The following CECR2 variants were observed in gnomAD, a reference collection of about 807,000 sequenced individuals.
CECR2 encodes CECR2 histone acetyl-lysine reader.
A neutral mutation model predicts 154.5 loss-of-function variants in CECR2; 30 were observed. The observed-to-expected ratio is 0.19, with a 90% confidence interval of 0.15 to 0.26. The LOEUF (loss-of-function observed/expected upper bound fraction) is 0.26. Ranked by LOEUF, CECR2 falls within the 10% of genes least tolerant of loss-of-function variation. The pLI is 1.00. For synonymous variants in CECR2, 725 were observed against 683.7 expected, an observed-to-expected ratio of 1.06 and a Z score of -0.94; for missense variants, 1,743 against 1,829.3, an observed-to-expected ratio of 0.95 and a Z score of 0.86.
chr22:17,383,836 CT>C (rs1180082779), intron 1 of CECR2, among the ~76,000 whole-genome samples: 2 of 151,452 alleles, frequency 1.3e-5, no homozygotes, highest in South Asian at 4.2e-4. Context: ...GGCTAATTTT[CT>C]TTTTTTTGGA....
intron 12 of CECR2, 70 bp from the exon 13 acceptor site, chr22:17,538,923 G>A: frequency 5.4e-6 from 8 of 1,486,490 alleles, no homozygotes; most frequent in Non-Finnish European, 7.4e-6. Context: ...TTATCTCTCT[G>A]TCTCTCTCTC....
In CECR2 at chr22:17,480,459, C is replaced by CAG. The variant is rs1555915343; in HGVS notation, c.221+2781_221+2782dup. Among the ~76,000 whole-genome samples, 145 of 143,818 alleles carry CAG rather than the reference C, an allele frequency of 1.0e-3. 1 individual carries two copies. Among genetic ancestry groups the CAG allele is most frequent in the South Asian group, 5.5e-3 (25 of 4,512 alleles). The allele number at this position is 143,818 out of a possible 152,430, so 94.4% of individuals were successfully genotyped here. On this transcript the variant is annotated intron_variant, in intron 2 of 18. Transcript: ENST00000262608. ...ACACACACACACACACACACACACA[C>CAG]AGAGAAAAGTGCTCATTTCCTAATT...
intron 4 of CECR2, 143 bp downstream of exon 4, chr22:17,499,692 C>G: frequency 2.4e-6 from 2 of 820,704 alleles, no homozygotes; most frequent in Admixed American, 6.8e-5. Context: ...TAAGGAGATA[C>G]TTCATGCAAA....
At chr22:17,441,636 T>C (rs1452302938) in intron 1 of CECR2, among the ~76,000 whole-genome samples, 1 of 151,950 alleles carries the variant, frequency 6.6e-6, no homozygotes, top group Non-Finnish European at 1.5e-5. Context: ...AATGAATCCT[T>C]CTTTTTTGAG....
chr22:17,526,578 A>G (rs561822529), intron 9 of CECR2, among the ~76,000 whole-genome samples: 5 of 152,272 alleles, frequency 3.3e-5, no homozygotes, highest in African/African-American at 1.2e-4. Context: ...TGGGAGGCCA[A>G]GGCGGGTGAA....
chr22:17,522,477 C>T (rs2056175410), intron 8 of CECR2, among the ~76,000 whole-genome samples: 1 of 152,216 alleles, frequency 6.6e-6, no homozygotes, highest in Non-Finnish European at 1.5e-5. Context: ...GTGTCCATAG[C>T]ATCCCCTTTT....
intron 9 of CECR2, 113 bp from the exon 10 acceptor site, chr22:17,536,990 T>C: frequency 6.1e-6 from 8 of 1,302,364 alleles, no homozygotes; most frequent in Non-Finnish European, 8.4e-6. Flanking sequence ...CAGAAGTTGC[T>C]TCATAATCCT....
At chr22:17,389,727 G>A (rs2063306263) in intron 1 of CECR2, among the ~76,000 whole-genome samples, 1 of 151,964 alleles carries the variant, frequency 6.6e-6, no homozygotes, top group South Asian at 2.1e-4. Context: ...TCCTGGGTTA[G>A]AGCAGTTCTC....
intron 8 of CECR2, 70 bp downstream of exon 8, chr22:17,511,966 C>G: frequency 8.7e-7 from 1 of 1,151,476 alleles, no homozygotes; most frequent in Non-Finnish European, 1.2e-6. Flanking sequence ...CATGTACTTC[C>G]ATTCCTGCCT....
chr22:17,548,436 G>T lies in CECR2; in HGVS notation c.3149G>T (p.Gly1050Val), dbSNP rs1475309438. The change falls in exon 17 of 19, where the codon GGC (glycine) becomes GTC (valine). Residue 1050 changes from glycine to valine, a missense_variant. Coordinates refer to ENST00000262608, the MANE Select transcript of CECR2 (RefSeq NM_001290047.2). ...VRDLSTVADRGALSENGVIGE... is the reference protein window; with the variant it reads ...VRDLSTVADRVALSENGVIGE... ...GACCTCTCCACGGTGGCAGACAGGG[G>T]CGCTCTATCCGAGAACGGAGTCATT... 6 of 1,614,008 alleles carry T rather than the reference G, an allele frequency of 3.7e-6. No individual in the cohort carries two copies. The highest frequency in any genetic ancestry group is 3.3e-5 in the South Asian group (3 of 91,090).
intron 1 of CECR2, among the ~76,000 whole-genome samples, chr22:17,395,557 C>G (rs1313357392): frequency 2.0e-5 from 3 of 152,096 alleles, no homozygotes; most frequent in Admixed American, 1.3e-4. Context: ...CTTGGCCAGG[C>G]TGGTTTCTAA....
At position 17,542,885 on chromosome 22, in the gene CECR2, C is replaced by T. The variant is rs1329493026; in HGVS notation, c.2742C>T (p.Gly914=). The T allele has an allele frequency of 5.6e-6, 9 of 1,613,836 alleles. No individual in the cohort carries two copies. In the African/African-American group the frequency reaches 8.0e-5, roughly 14 times the overall value. Residue 914 remains glycine (G), a synonymous_variant, in exon 16 of 19, where the codon GGC becomes GGT. Coordinates refer to ENST00000262608, the MANE Select transcript of CECR2 (RefSeq NM_001290047.2). ...PHQPAHPRLP[G]PFPQVAHPMS... is the part of the protein sequence containing the mutation. ...AGCCTGCACACCCCCGTTTACCTGG[C>T]CCTTTTCCGCAGGTAGCTCACCCAA...
chr22:17,404,364 C>CTTTTTT (rs1209598318), intron 1 of CECR2, among the ~76,000 whole-genome samples: 21 of 59,606 alleles, frequency 3.5e-4, no homozygotes, highest in African/African-American at 5.3e-4. Context: ...GGACCCTGTT[C>CTTTTTT]TTTCTTTTTT....
At chr22:17,400,964 A>C (rs2053882908) in intron 1 of CECR2, among the ~76,000 whole-genome samples, 1 of 152,132 alleles carries the variant, frequency 6.6e-6, no homozygotes, top group South Asian at 2.1e-4. Flanking sequence ...ATGAGATCTC[A>C]CTATGTTGCT....
At chr22:17,413,243 G>A (rs2054093569) in intron 1 of CECR2, among the ~76,000 whole-genome samples, 1 of 152,192 alleles carries the variant, frequency 6.6e-6, no homozygotes, top group East Asian at 1.9e-4. Flanking sequence ...CAGGTTGATG[G>A]TTCTAACCTT....
chr22:17,551,950 C>T (rs1569161490), intron 17 of CECR2, 81 bp from the exon 18 acceptor site: 2 of 1,316,996 alleles, frequency 1.5e-6, no homozygotes, highest in Non-Finnish European at 2.2e-6. Flanking sequence ...AAGGCAGTAC[C>T]CTCGTGACTA....
chr22:17,445,636 G>GTGCAATCTTGGCTGAC (rs1354376421), intron 1 of CECR2, among the ~76,000 whole-genome samples: 2 of 151,114 alleles, frequency 1.3e-5, no homozygotes, highest in African/African-American at 2.4e-5. Flanking sequence ...GAGTGCAGTG[G>GTGCAATCTTGGCTGAC]TGCAATCTTG....
In CECR2 at chr22:17,552,125, A is replaced by G. The variant is rs774038355; in HGVS notation, c.4372A>G (p.Thr1458Ala). 5 of 1,613,924 alleles carry G rather than the reference A, an allele frequency of 3.1e-6. No individual in the cohort carries two copies. The highest frequency in any genetic ancestry group is 4.2e-6 in the Non-Finnish European group (5 of 1,179,838). The change falls in exon 18 of 19, where the codon ACA becomes GCA. Residue 1458 changes from threonine (T) to alanine (A), a missense_variant. Thr to Ala is a moderately conservative substitution (Grantham distance 58, BLOSUM62 0). This residue lies in a region of CECR2 where 1,250 missense variants were observed against 1,192.1 expected (regional missense o/e 1.05). Coordinates refer to ENST00000262608, the MANE Select transcript of CECR2 (RefSeq NM_001290047.2). ...GGAGGTGCCGCCTCATAAGCCTCCA[A>G]CACTTCCCCTGGATCAGGTAAGGAT... is the stretch of plus-strand genomic sequence containing the variant. Reference protein sequence around the residue: ...QEEVPPHKPPTLPLDQS With the variant: ...QEEVPPHKPPALPLDQS
chr22:17,542,924 G>C lies in CECR2; in HGVS notation c.2781G>C (p.Val927=). 1.2e-6 allele frequency: 2 copies of C among 1,613,940 alleles called. No individual in the cohort carries two copies. Among genetic ancestry groups the C allele is most frequent in the Admixed American group, 3.3e-5 (2 of 60,002 alleles). ...PQVAHPMSVT[V]SAPKPALGNP... ...TAGCTCACCCAATGTCAGTCACTGT[G>C]TCAGCCCCCAAGCCTGCCCTGGGCA... Residue 927 remains valine, a synonymous_variant, in exon 16 of 19, where the codon GTG becomes GTC. Transcript: ENST00000262608.
Sources: gnomAD v4.1 joint callset for allele counts (sites outside exome capture counted in the v4.1 genomes callset) on GRCh38, gnomAD v4.1.1 for gene constraint, gnomAD v4.1.1 regional missense constraint, MANE v1.5 for transcripts, NCBI Gene and HGNC (gene_info 2026-07-23, HGNC 2026-07-21) for gene names.